SPOCK3: variants seen among roughly 807,000 people sequenced by gnomAD.
SPOCK3 encodes SPARC (osteonectin), cwcv and kazal like domains proteoglycan 3.
In SPOCK3, 30 loss-of-function variants were observed where a neutral mutation model predicts 56.6. The observed-to-expected ratio is 0.53, with a 90% CI of 0.40 to 0.72. SPOCK3 has a LOEUF of 0.72. SPOCK3 is among the 30% of genes least tolerant of loss of function. The pLI is 0.00. For missense variants in SPOCK3, 527 were observed against 530.0 expected (o/e 0.99, Z 0.06); for synonymous variants, 196 against 183.3 (o/e 1.07, Z -0.56).
Position 167,167,120 on chromosome 4 carries a change from C to T in SPOCK3, c.189+66865G>A, listed in dbSNP as rs181876791. Among the ~76,000 whole-genome samples the T allele has an allele frequency of 3.4e-4, 52 of 152,134 alleles. 1 individual carries two copies. Among genetic ancestry groups the T allele is most frequent in the Non-Finnish European group, 3.8e-4 (26 of 67,970 alleles). On this transcript the variant is annotated intron_variant, in intron 2 of 10. Transcript: ENST00000357545. The stretch of plus-strand genomic sequence containing the variant: ...CTGTCTTTCCCGATGCAAATTTCAC[C>T]TTGACATTTTGTACTCTTTTCTATA...
At chr4:167,003,090 T>C (rs1749113265) in intron 3 of SPOCK3, among the ~76,000 whole-genome samples, 1 of 152,150 alleles carries the variant, frequency 6.6e-6, no homozygotes, top group African/African-American at 2.4e-5. Context: ...TAGCTGTTTC[T>C]TTACCTTATA....
chr4:166,992,253 G>C (rs2703844), intron 4 of SPOCK3, among the ~76,000 whole-genome samples: 96,324 of 151,966 alleles, frequency 0.63, 32,944 homozygotes, highest in East Asian at 0.84. Context: ...AATCAAATCT[G>C]TACTCCTTTC....
At chr4:166,957,761 A>G (rs1168471855) in intron 4 of SPOCK3, among the ~76,000 whole-genome samples, 1 of 152,182 alleles carries the variant, frequency 6.6e-6, no homozygotes, top group Non-Finnish European at 1.5e-5. Context: ...TGGGGCCTAC[A>G]GTCTCTCTTT....
intron 6 of SPOCK3, among the ~76,000 whole-genome samples, chr4:166,829,938 T>C (rs936894755): frequency 6.6e-6 from 1 of 152,174 alleles, no homozygotes; most frequent in African/African-American, 2.4e-5. Context: ...CTGTATCATC[T>C]ATGTCTCTTG....
intron 6 of SPOCK3, among the ~76,000 whole-genome samples, chr4:166,817,397 G>T (rs1744484746): frequency 6.6e-6 from 1 of 152,004 alleles, no homozygotes. Flanking sequence ...AGACATCCTT[G>T]AAAAGGCATT....
chr4:166,735,477 A>G (rs138265483), intron 10 of SPOCK3, among the ~76,000 whole-genome samples: 38 of 152,218 alleles, frequency 2.5e-4, no homozygotes, highest in Non-Finnish European at 1.8e-4. Context: ...CAGAATCTAT[A>G]ATGTTACCTT....
intron 2 of SPOCK3, among the ~76,000 whole-genome samples, chr4:167,130,369 A>G (rs568299194): frequency 2.2e-4 from 34 of 152,232 alleles, no homozygotes; most frequent in Admixed American, 4.6e-4. Context: ...ATTTACTGGA[A>G]AAAAGCATAT....
At chr4:166,753,230 C>G (rs185244689) in intron 8 of SPOCK3, among the ~76,000 whole-genome samples, 1 of 151,996 alleles carries the variant, frequency 6.6e-6, no homozygotes, top group East Asian at 1.9e-4. Flanking sequence ...CGTTTGTCAT[C>G]ATAAGAAAAG....
At chr4:167,219,934 T>C (rs1449575281) in intron 2 of SPOCK3, among the ~76,000 whole-genome samples, 1 of 152,152 alleles carries the variant, frequency 6.6e-6, no homozygotes, top group Non-Finnish European at 1.5e-5. Flanking sequence ...AAAATATATG[T>C]AGACAACAAA....
chr4:167,025,684 T>C lies in SPOCK3; in HGVS notation c.236-25221A>G, dbSNP rs573178764. On this transcript the variant is annotated intron_variant, in intron 3 of 10. Coordinates refer to ENST00000357545, the MANE Select transcript of SPOCK3 (RefSeq NM_001040159.2). ...ACTAGTACAAACAAAATGCACCAGA[T>C]ATCACCCCCAAAGCATGTGTTTTTT... is the stretch of plus-strand genomic sequence containing the variant. Among the ~76,000 whole-genome samples the C allele has an allele frequency of 3.9e-5, 6 of 152,158 alleles. No individual in the cohort carries two copies. In the South Asian group the frequency reaches 1.0e-3, roughly 26 times the overall value.
chr4:166,939,332 T>C (rs1395199287), intron 4 of SPOCK3, among the ~76,000 whole-genome samples: 2 of 152,144 alleles, frequency 1.3e-5, no homozygotes, highest in African/African-American at 4.8e-5. Flanking sequence ...TATTTACTTA[T>C]TATTTATTCT....
chr4:166,902,643 ATATAT>A (rs1365279239), intron 5 of SPOCK3, among the ~76,000 whole-genome samples: 5 of 143,238 alleles, frequency 3.5e-5, no homozygotes, highest in African/African-American at 1.5e-4. Flanking sequence ...TGATATTTAC[ATATAT>A]TATAGCTTAT....
At chr4:166,866,265 T>A (rs1731827773) in intron 6 of SPOCK3, among the ~76,000 whole-genome samples, 1 of 152,142 alleles carries the variant, frequency 6.6e-6, no homozygotes, top group Non-Finnish European at 1.5e-5. Context: ...CCTCACACCT[T>A]ATACAAAAAT....
chr4:166,813,388 C>T (rs982560216), intron 6 of SPOCK3, among the ~76,000 whole-genome samples: 49 of 151,926 alleles, frequency 3.2e-4, no homozygotes, highest in African/African-American at 1.1e-3. Flanking sequence ...GAGGAATGTA[C>T]CTGAAGTGAC....
chr4:166,993,371 C>A (rs980067118), intron 4 of SPOCK3, among the ~76,000 whole-genome samples: 5 of 152,134 alleles, frequency 3.3e-5, no homozygotes, highest in African/African-American at 7.2e-5. Context: ...AGATCGTCTT[C>A]TCTGGTCATG....
intron 6 of SPOCK3, among the ~76,000 whole-genome samples, chr4:166,793,146 G>A (rs373284246): frequency 6.6e-6 from 1 of 152,088 alleles, no homozygotes; most frequent in Non-Finnish European, 1.5e-5. Flanking sequence ...CCTTGTGCAT[G>A]CTGTAAATGT....
At position 166,938,813 on chromosome 4, in the gene SPOCK3, G is replaced by A. The variant is rs1352924677; in HGVS notation, c.351-26070C>T. ...AGTAATCATATAGTGTGATACCACA[G>A]ATGTTAAAGAAGAAAAGAGTTCCAA... is the stretch of plus-strand genomic sequence containing the variant. On this transcript the variant is annotated intron_variant, in intron 4 of 10. Coordinates refer to ENST00000357545, the MANE Select transcript of SPOCK3 (RefSeq NM_001040159.2). Among the ~76,000 whole-genome samples the A allele has an allele frequency of 5.6e-4, 85 of 152,048 alleles. 1 individual carries two copies. The highest frequency in any genetic ancestry group is 5.5e-3 in the Admixed American group (84 of 15,264).
chr4:167,105,994 TATTAG>T (rs1261522049), intron 2 of SPOCK3, among the ~76,000 whole-genome samples: 1 of 152,002 alleles, frequency 6.6e-6, no homozygotes, highest in African/African-American at 2.4e-5. Context: ...AAGCAAATAT[TATTAG>T]ATTAAAGAGA....
intron 6 of SPOCK3, among the ~76,000 whole-genome samples, chr4:166,855,708 C>T (rs932680044): frequency 2.0e-4 from 31 of 152,188 alleles, no homozygotes; most frequent in African/African-American, 7.5e-4. Context: ...GAAAATCTTA[C>T]ATCAGAATCA....
Sources: allele counts gnomAD v4.1 joint callset (sites outside exome capture counted in the v4.1 genomes callset), GRCh38; gene constraint gnomAD v4.1.1; transcripts MANE v1.5; gene names NCBI Gene and HGNC (gene_info 2026-07-23, HGNC 2026-07-21).